Variants in TENM4 observed in about 807,000 individuals in gnomAD.
The protein encoded by TENM4 is teneurin-4.
TENM4 carries 82 observed loss-of-function variants against 243.3 expected under a neutral mutation model. That is an observed-to-expected ratio of 0.34 (90% confidence interval 0.28 to 0.40). The LOEUF is 0.40. Ranked by LOEUF, TENM4 falls within the 10% of genes least tolerant of loss-of-function variation. The probability of loss-of-function intolerance (pLI) is 1.00; values close to 1 mark genes in which losing one functional copy is unlikely to be tolerated. For synonymous variants in TENM4, 1,412 were observed against 1,456.3 expected (o/e 0.97, Z 0.69); for missense variants, 3,138 against 3,673.3 (o/e 0.85, Z 3.77).
intron 1 of TENM4, among the ~76,000 whole-genome samples, chr11:79,338,021 C>T (rs190667815): frequency 2.6e-5 from 4 of 152,320 alleles, no homozygotes; most frequent in Non-Finnish European, 5.9e-5. Flanking sequence ...GAGGGTCCTG[C>T]GCAAGCACGT....
At chr11:79,284,421 A>T (rs763168946) in intron 2 of TENM4, among the ~76,000 whole-genome samples, 1 of 152,198 alleles carries the variant, frequency 6.6e-6, no homozygotes, top group Non-Finnish European at 1.5e-5. Context: ...TAGTCATTTG[A>T]TTTTTGACAA....
At chr11:78,934,440 G>A (rs1591142309) in intron 6 of TENM4, among the ~76,000 whole-genome samples, 1 of 152,200 alleles carries the variant, frequency 6.6e-6, no homozygotes. Context: ...AACTCTGCGT[G>A]TCTTGGGGAC....
chr11:78,736,445 AGT>A (rs3223449), intron 20 of TENM4, among the ~76,000 whole-genome samples: 22,299 of 145,010 alleles, frequency 0.15, 1,746 homozygotes, highest in East Asian at 0.33. Context: ...GATTTCAGCA[AGT>A]GTGTGTGTGT....
At chr11:79,114,795 T>C (rs577389461) in intron 4 of TENM4, among the ~76,000 whole-genome samples, 20 of 152,340 alleles carry the variant, frequency 1.3e-4, no homozygotes, top group Non-Finnish European at 2.5e-4. Flanking sequence ...AGAAGCCCTC[T>C]GGATTGTTGT....
intron 2 of TENM4, among the ~76,000 whole-genome samples, chr11:79,218,230 G>GCCCC (rs765365245): frequency 1.7e-3 from 88 of 50,690 alleles, no homozygotes; most frequent in South Asian, 3.3e-3. Flanking sequence ...TTTACCCCCT[G>GCCCC]CCCACCCACC....
intron 4 of TENM4, among the ~76,000 whole-genome samples, chr11:79,144,470 T>A (rs1446881359): frequency 6.6e-6 from 1 of 152,046 alleles, no homozygotes; most frequent in Non-Finnish European, 1.5e-5. Flanking sequence ...TGAAGAGATA[T>A]CTGCACTTCC....
chr11:79,179,107 A>G (rs1426334810), intron 3 of TENM4, among the ~76,000 whole-genome samples: 3 of 152,232 alleles, frequency 2.0e-5, no homozygotes, highest in Non-Finnish European at 4.4e-5. Flanking sequence ...AACAACAACA[A>G]TGATGATGAT....
chr11:79,408,348 A>G (rs1294678249), intron 1 of TENM4, among the ~76,000 whole-genome samples: 1 of 152,218 alleles, frequency 6.6e-6, no homozygotes, highest in South Asian at 2.1e-4. Flanking sequence ...TGGTCCGGAG[A>G]CCACACTTAG....
In TENM4 at chr11:78,653,187, TAGC is replaced by T. The variant is rs1857811188; in HGVS notation, c.*4868_*4870del. On this transcript the variant is annotated 3_prime_UTR_variant, in exon 34 of 34. Transcript: ENST00000278550. ...TGAGTCCTCTCCCAGGTCATCCTGA[TAGC>T]AGCCAGCAGGGAAGTGCAAACCCAG... 6.6e-6 allele frequency: 1 copy of T among 152,174 alleles called. No homozygotes were observed. The highest frequency in any genetic ancestry group is 2.1e-4 in the South Asian group (1 of 4,826). The allele number at this position is 152,174 out of a possible 1,614,324, so 9.4% of individuals were successfully genotyped here. A position where few individuals can be genotyped will look rare whatever the true frequency, so the allele number is the denominator to read the frequency against.
chr11:78,693,623 G>A (rs1458719154), intron 28 of TENM4, among the ~76,000 whole-genome samples: 1 of 152,182 alleles, frequency 6.6e-6, no homozygotes, highest in Non-Finnish European at 1.5e-5. Flanking sequence ...TGATAGGGAT[G>A]ACCAGATGAC....
chr11:79,233,185 C>G lies in TENM4; in HGVS notation c.-264-17276G>C, dbSNP rs80285449. ...CTTCCCAAACAATGTTATTTACTAA[C>G]ATATCTCTCTCCACCACTACAGACT... On this transcript the variant is annotated intron_variant, in intron 2 of 33. Transcript: ENST00000278550. Among the ~76,000 whole-genome samples, 859 of 152,350 alleles carry G rather than the reference C, an allele frequency of 5.6e-3. 15 individuals are homozygous for G. The highest frequency in any genetic ancestry group is 0.03 in the East Asian group (155 of 5,180).
intron 3 of TENM4, among the ~76,000 whole-genome samples, chr11:79,161,798 T>G (rs55972809): frequency 0.19 from 28,831 of 152,174 alleles, 2,994 homozygotes; most frequent in Non-Finnish European, 0.23. Flanking sequence ...TTGAAGGGTT[T>G]GCAGTAGAGA....
Position 79,440,359 on chromosome 11 carries a change from GGGA to G in TENM4, c.-321+147_-321+149del, listed in dbSNP as rs1859378026. ...CCTAGCCTCCCTCCTCCTGGGCCAG[GGGA>G]GCAAGCAAACATCTCCCGGAGCCCT... On this transcript the variant is annotated intron_variant, in intron 1 of 33. Coordinates refer to ENST00000278550, the MANE Select transcript of TENM4 (RefSeq NM_001098816.3). This position sits in a 1 kb window ranked among gnomAD's most constrained non-coding sequence, Gnocchi z 4.7. 1 of 152,626 alleles carries G rather than the reference GGGA, an allele frequency of 6.6e-6. No homozygotes were observed. The highest frequency in any genetic ancestry group is 2.1e-4 in the South Asian group (1 of 4,840). The allele number at this position is 152,626 out of a possible 1,614,324, so 9.5% of individuals were successfully genotyped here. A position where few individuals can be genotyped will look rare whatever the true frequency, so the allele number is the denominator to read the frequency against.
chr11:79,424,052 T>TA (rs1444649856), intron 1 of TENM4, among the ~76,000 whole-genome samples: 1 of 152,144 alleles, frequency 6.6e-6, no homozygotes, highest in Non-Finnish European at 1.5e-5. Flanking sequence ...TGTCATACAT[T>TA]AAAAAAGATG....
chr11:79,168,313 C>A (rs566996040), intron 3 of TENM4, among the ~76,000 whole-genome samples: 1 of 152,208 alleles, frequency 6.6e-6, no homozygotes, highest in South Asian at 2.1e-4. Context: ...AATGTCAGTA[C>A]CTGGTGGTGG....
intron 4 of TENM4, among the ~76,000 whole-genome samples, chr11:79,146,693 T>C (rs1862401004): frequency 6.6e-6 from 1 of 152,090 alleles, no homozygotes; most frequent in South Asian, 2.1e-4. Context: ...GACTCTCCCA[T>C]ATCCTAAGCA....
At chr11:79,125,717 A>C (rs2137144842) in intron 4 of TENM4, among the ~76,000 whole-genome samples, 1 of 152,240 alleles carries the variant, frequency 6.6e-6, no homozygotes, top group Admixed American at 6.5e-5. Flanking sequence ...TCTTTGTCTG[A>C]GGACATAAAC....
At chr11:78,864,433 CAAAAAAAAAAAAAAAA>C (rs145489804) in intron 9 of TENM4, among the ~76,000 whole-genome samples, 7 of 36,212 alleles carry the variant, frequency 1.9e-4, no homozygotes, top group African/African-American at 6.6e-4. Flanking sequence ...GACTCCGTCT[CAAAAAAAAAAAAAAAA>C]AAAAAAAAAA....
At position 79,040,555 on chromosome 11, in the gene TENM4, A is replaced by C. The variant is rs191898379; in HGVS notation, c.493+24183T>G. On this transcript the variant is annotated intron_variant, in intron 6 of 33. Transcript: ENST00000278550. The stretch of plus-strand genomic sequence containing the variant: ...CTGTGATTTACTTTTCTAGTGAGTT[A>C]ATTGCAAAATCCATATGGAGTGGAG... 1.1e-4 allele frequency among the ~76,000 whole-genome samples: 16 copies of C among 152,288 alleles called. 1 individual carries two copies. In the East Asian group the frequency reaches 2.9e-3, roughly 28 times the overall value.
Sources: gnomAD v4.1 joint callset for allele counts (sites outside exome capture counted in the v4.1 genomes callset) on GRCh38, gnomAD v4.1.1 for gene constraint, Gnocchi (gnomAD v3.1) non-coding constraint, MANE v1.5 for transcripts, NCBI Gene and HGNC (gene_info 2026-07-23, HGNC 2026-07-21) for gene names.